TAF1: variants seen among roughly 807,000 people sequenced by gnomAD.
The protein encoded by TAF1 is TATA-box binding protein associated factor 1.
Under a neutral mutation model 138.5 loss-of-function variants are expected in TAF1, and 2 were observed. That is an observed-to-expected ratio of 0.01 (90% CI 0.01 to 0.05). The LOEUF is 0.05. Among genes scored for constraint, TAF1 ranks in the 10% least tolerant of loss-of-function variants. The pLI is 1.00. For synonymous variants in TAF1, 437 were observed against 503.2 expected (o/e 0.87, Z 1.76); for missense variants, 709 against 1,478.0 (o/e 0.48, Z 8.53).
Position 71,475,509 on chromosome X carries a change from C to T in TAF1, c.1366+14706C>T, listed in dbSNP as rs779450336. On this transcript the variant is annotated intron_variant and NMD_transcript_variant, in intron 13 of 14. Transcript: ENST00000373775. ...CTGAGGCAGGAGAATCACTTGAGCC[C>T]GGGAGGTAGAGGTTACAGTGAGCCG... Among the ~76,000 whole-genome samples the T allele has an allele frequency of 8.7e-5, 9 of 104,017 alleles. No homozygotes were observed. The East Asian group carries it at 1.2e-3, about 14-fold the overall frequency. 90.3% of individuals were successfully genotyped at this position (104,017 alleles called of 115,157 possible).
At chrX:71,417,028 A>AG (rs1221973146) in intron 28 of TAF1, among the ~76,000 whole-genome samples, 1 of 109,890 alleles carries the variant, frequency 9.1e-6, no homozygotes, top group East Asian at 2.8e-4. Context: ...TCAAAAAAAA[A>AG]AAAAAAAAAA....
chrX:71,400,058 GGAGTT>G (rs781475721), intron 24 of TAF1, among the ~76,000 whole-genome samples: 36 of 107,276 alleles, frequency 3.4e-4, no homozygotes, highest in Non-Finnish European at 6.4e-4. Flanking sequence ...ATATTTTCTA[GGAGTT>G]GAGATAGGTT....
chrX:71,377,016 A>G lies in TAF1; in HGVS notation c.539A>G (p.Lys180Arg), dbSNP rs1305549496. The G allele has an allele frequency of 8.3e-7, 1 of 1,211,840 alleles. No homozygotes were observed. Among genetic ancestry groups the G allele is most frequent in the Non-Finnish European group, 1.1e-6 (1 of 895,581 alleles). The stretch of plus-strand genomic sequence containing the variant: ...GCCCCTTCCTCTTTGGCCTCAGAGA[A>G]AGTGGACTTCAGTAGTTCCTCTGAC... ...IIAPSSLASEKVDFSSSSDSE... is the reference protein window; with the variant it reads ...IIAPSSLASERVDFSSSSDSE... The change falls in exon 5 of 38, where the codon AAA (lysine) becomes AGA (arginine). Residue 180 changes from lysine (K) to arginine (R), a missense_variant. Physicochemically the swap from Lys to Arg is conservative, Grantham distance 26. Around this residue, in one of 14 missense-constraint regions of TAF1, gnomAD observed 123 missense variants for 161.6 expected, o/e 0.76. Transcript: ENST00000423759.
intron 24 of TAF1, among the ~76,000 whole-genome samples, chrX:71,401,098 ATTC>A (rs1166087294): frequency 8.9e-6 from 1 of 112,103 alleles, no homozygotes; most frequent in African/African-American, 3.2e-5. Context: ...TCTTCTCTTT[ATTC>A]TTCTTACCTG....
intron 34 of TAF1, 136 bp from the exon 35 acceptor site, chrX:71,458,105 C>A: frequency 1.2e-6 from 1 of 843,320 alleles, no homozygotes; most frequent in Non-Finnish European, 1.6e-6. Flanking sequence ...GTCTGTAAAG[C>A]TGTGTCAAAC....
chrX:71,467,073 A>G (rs746438668), downstream of TAF1, among the ~76,000 whole-genome samples: 1 of 82,917 alleles, frequency 1.2e-5, no homozygotes, highest in African/African-American at 4.5e-5. Flanking sequence ...TAGGGGTGGG[A>G]TGGGAGGGCA....
intron 32 of TAF1, among the ~76,000 whole-genome samples, chrX:71,429,023 C>G (rs1264797765): frequency 9.0e-6 from 1 of 111,432 alleles, no homozygotes; most frequent in Non-Finnish European, 1.9e-5. Context: ...CGCCTGTAAT[C>G]CCAGCACTTT....
At chrX:71,489,617 G>A (rs1318523810) in intron 13 of TAF1, among the ~76,000 whole-genome samples, 5 of 108,763 alleles carry the variant, frequency 4.6e-5, no homozygotes, top group Non-Finnish European at 5.7e-5. Context: ...AGGAGGTTGC[G>A]GTGAGCTGAG....
rs1383646869 is a variant in TAF1, at chrX:71,465,652, G to C, written c.*1606G>C. ...TTAATGTGTATGATTTTTATATTATGGGAAATAAGCTCTTAGAGGAGTGAT... is the reference window on the plus strand; with the variant it reads ...TTAATGTGTATGATTTTTATATTATCGGAAATAAGCTCTTAGAGGAGTGAT... On this transcript the variant is annotated 3_prime_UTR_variant, in exon 38 of 38. Transcript: ENST00000423759. 1 of 112,105 alleles carries C rather than the reference G, an allele frequency of 8.9e-6. No individual in the cohort carries two copies. The highest frequency in any genetic ancestry group is 9.6e-5 in the Admixed American group (1 of 10,471). 9.2% of individuals were successfully genotyped at this position (112,105 alleles called of 1,213,427 possible).
chrX:71,507,871 C>T (rs2039656939), intron 13 of TAF1, among the ~76,000 whole-genome samples: 1 of 109,416 alleles, frequency 9.1e-6, no homozygotes, highest in South Asian at 3.9e-4. Context: ...AGATATAGGC[C>T]GGGCATGGTG....
intron 32 of TAF1, among the ~76,000 whole-genome samples, chrX:71,432,321 T>C (rs2036928543): frequency 8.9e-6 from 1 of 111,894 alleles, no homozygotes. Flanking sequence ...TAACATCTTA[T>C]TTCTCTGTAA....
At chrX:71,404,224 G>C (rs916258267) in intron 25 of TAF1, among the ~76,000 whole-genome samples, 6 of 110,185 alleles carry the variant, frequency 5.4e-5, no homozygotes, top group Admixed American at 2.0e-4. Flanking sequence ...CACCTGCCTG[G>C]GCCTCCCAAA....
intron 28 of TAF1, chrX:71,420,485 A>C: frequency 8.3e-7 from 1 of 1,204,000 alleles, no homozygotes; most frequent in Non-Finnish European, 1.1e-6. Context: ...CATAGATGGA[A>C]CGGGCATCGG....
At chrX:71,503,983 C>G (rs1285556777) in intron 13 of TAF1, among the ~76,000 whole-genome samples, 1 of 111,071 alleles carries the variant, frequency 9.0e-6, no homozygotes, top group Non-Finnish European at 1.9e-5. Context: ...GATTGAAGTC[C>G]ACAGCCATTT....
chrX:71,375,642 A>C (rs1298092550), intron 4 of TAF1, among the ~76,000 whole-genome samples: 2 of 111,614 alleles, frequency 1.8e-5, no homozygotes, highest in African/African-American at 6.5e-5. Flanking sequence ...AATTAATTAA[A>C]ATTTTTTTGA....
intron 22 of TAF1, among the ~76,000 whole-genome samples, chrX:71,394,779 A>G (rs1285811490): frequency 9.0e-6 from 1 of 110,605 alleles, no homozygotes; most frequent in African/African-American, 3.3e-5. Context: ...CTATAGGTGC[A>G]TGCCACCATG....
chrX:71,437,737 C>T (rs2037214527), intron 32 of TAF1, among the ~76,000 whole-genome samples: 2 of 109,334 alleles, frequency 1.8e-5, no homozygotes, highest in Admixed American at 9.8e-5. Context: ...TCCCCCGATC[C>T]TGCTTGGGTC....
rs1258902393 is a variant in TAF1, at chrX:71,366,656, G to A, written c.120+162G>A. On this transcript the variant is annotated intron_variant, in intron 1 of 37. Transcript: ENST00000423759. Reference sequence around the variant, plus strand: ...TGGGTGCGGGAGCAACGTGGCGTGGGAGTGATCGTTCTGGGGGAGAGTGGG... The same window carrying A: ...TGGGTGCGGGAGCAACGTGGCGTGGAAGTGATCGTTCTGGGGGAGAGTGGG... Among the ~76,000 whole-genome samples the A allele has an allele frequency of 9.0e-6, 1 of 111,063 alleles. No individual in the cohort carries two copies.
At chrX:71,393,604 G>C (rs2034688434) in intron 21 of TAF1, 128 bp downstream of exon 21, 3 of 927,455 alleles carry the variant, frequency 3.2e-6, no homozygotes, top group Non-Finnish European at 4.3e-6. Flanking sequence ...TGACATGTCA[G>C]GGTAGTATAT....
Sources: allele counts gnomAD v4.1 joint callset (sites outside exome capture counted in the v4.1 genomes callset), GRCh38; gene constraint gnomAD v4.1.1; regional missense constraint gnomAD v4.1.1; transcripts MANE v1.5; gene names NCBI Gene and HGNC (gene_info 2026-07-23, HGNC 2026-07-21).